The following ARMC7 variants were observed in gnomAD, a reference collection of about 807,000 sequenced individuals.
ARMC7 encodes armadillo repeat-containing protein 7.
ARMC7 carries 9 observed loss-of-function variants against 14.8 expected under a neutral mutation model. The observed-to-expected ratio is 0.61, with a 90% CI of 0.37 to 1.06. The LOEUF (loss-of-function observed/expected upper bound fraction) is 1.06, where lower values mean the gene tolerates loss of function less well. Ranked by LOEUF, ARMC7 falls within the 50% of genes least tolerant of loss-of-function variation. ARMC7 has a pLI of 0.01. For synonymous variants in ARMC7, 125 were observed against 123.4 expected (o/e 1.01, Z -0.09); for missense variants, 262 against 267.1 (o/e 0.98, Z 0.13).
chr17:75,114,106 T>G (rs1049916412), intron 2 of ARMC7: 1 of 401,164 alleles, frequency 2.5e-6, no homozygotes, highest in Non-Finnish European at 4.4e-6. Context: ...AAACAAATAT[T>G]CTAAAAAGTT....
At chr17:75,125,566 G>A (rs527335421) in intron 2 of ARMC7, among the ~76,000 whole-genome samples, 15 of 152,238 alleles carry the variant, frequency 9.9e-5, no homozygotes, top group African/African-American at 2.9e-4. Context: ...AGCTGGGCAC[G>A]GTGGCTCACA....
At position 75,119,449 on chromosome 17, in the gene ARMC7, T is replaced by TTTTG. The variant is rs1403378572; in HGVS notation, c.235+8846_235+8847insGTTT. ...TCTGAAAATACCCTGTGATACAGTT[T>TTTTG]TTTCTTTTTTTTTTTTTGAGACGGA... On this transcript the variant is annotated intron_variant, in intron 2 of 2. Transcript: ENST00000245543. 1.1e-3 allele frequency among the ~76,000 whole-genome samples: 146 copies of TTTTG among 132,974 alleles called. 3 individuals carry two copies. Among genetic ancestry groups the TTTTG allele is most frequent in the African/African-American group, 4.8e-3 (140 of 28,970 alleles). 87.2% of individuals were successfully genotyped at this position (132,974 alleles called of 152,430 possible). A position where few individuals can be genotyped will look rare whatever the true frequency, so the allele number is the denominator to read the frequency against.
intron 2 of ARMC7, among the ~76,000 whole-genome samples, chr17:75,115,314 T>A (rs1973185): frequency 0.56 from 85,299 of 151,494 alleles, 26,118 homozygotes; most frequent in South Asian, 0.74. Flanking sequence ...CCGAGGGGGG[T>A]GGATCACTTG....
intron 2 of ARMC7, among the ~76,000 whole-genome samples, chr17:75,122,191 T>C (rs2074018395): frequency 6.6e-6 from 1 of 151,398 alleles, no homozygotes; most frequent in East Asian, 2.0e-4. Context: ...AGGAAATTAG[T>C]CGGGCATGTT....
At chr17:75,114,961 G>A in intron 2 of ARMC7, 1 of 380,310 alleles carries the variant, frequency 2.6e-6, no homozygotes, top group South Asian at 1.5e-4. Context: ...TGTTTCTGGA[G>A]AAGGCTCTGT....
At chr17:75,123,668 T>C (rs2074030113) in intron 2 of ARMC7, among the ~76,000 whole-genome samples, 2 of 152,140 alleles carry the variant, frequency 1.3e-5, no homozygotes, top group South Asian at 4.1e-4. Context: ...ACGCCTTTCA[T>C]CCCAGTACTT....
intron 2 of ARMC7, among the ~76,000 whole-genome samples, chr17:75,113,394 G>A (rs1188659955): frequency 1.3e-5 from 2 of 149,394 alleles, no homozygotes; most frequent in African/African-American, 2.5e-5. Flanking sequence ...TTGCTCTGTC[G>A]CCCAGGCTGG....
chr17:75,123,102 G>A (rs937768103), intron 2 of ARMC7, among the ~76,000 whole-genome samples: 7 of 149,296 alleles, frequency 4.7e-5, no homozygotes, highest in African/African-American at 9.9e-5. Context: ...GCAGTGGCAC[G>A]ATCTCAGCTC....
chr17:75,120,355 G>A (rs1244918742), intron 2 of ARMC7, among the ~76,000 whole-genome samples: 1 of 152,096 alleles, frequency 6.6e-6, no homozygotes, highest in African/African-American at 2.4e-5. Context: ...GCTTTCATGT[G>A]GGGTTTCCTC....
intron 2 of ARMC7, among the ~76,000 whole-genome samples, chr17:75,113,681 A>T (rs918805236): frequency 6.6e-6 from 1 of 152,190 alleles, no homozygotes; most frequent in Non-Finnish European, 1.5e-5. Context: ...AGTGTGATTC[A>T]AATTTTTCAA....
intron 2 of ARMC7, among the ~76,000 whole-genome samples, chr17:75,119,612 C>G (rs1170250754): frequency 8.7e-6 from 1 of 115,386 alleles, no homozygotes; most frequent in Non-Finnish European, 1.8e-5. Context: ...CCACGCCCAG[C>G]TAATTTTTTT....
chr17:75,114,755 A>G (rs577241166), intron 2 of ARMC7: 28 of 397,718 alleles, frequency 7.0e-5, no homozygotes, highest in Non-Finnish European at 1.1e-4. Flanking sequence ...CAAGCACAGT[A>G]GCTTTCTCAG....
chr17:75,110,359 T>C lies in ARMC7; in HGVS notation c.71T>C (p.Phe24Ser). 1 of 1,614,058 alleles carries C rather than the reference T, an allele frequency of 6.2e-7. No homozygotes were observed. The highest frequency in any genetic ancestry group is 8.5e-7 in the Non-Finnish European group (1 of 1,180,026). The change falls in exon 1 of 3, where the codon TTC (phenylalanine) becomes TCC (serine). Residue 24 changes from phenylalanine (F) to serine (S), a missense_variant. Phe to Ser is a radical substitution (Grantham distance 155). Coordinates refer to ENST00000245543, the MANE Select transcript of ARMC7 (RefSeq NM_024585.4). ...TACCTGCAGGCGCTGGTCACGGAAT[T>C]CCAGGAGACCCAAAGCCAAGGTGAG... ...LGYLQALVTE[F>S]QETQSQDAKE... is the part of the protein sequence containing the mutation.
intron 2 of ARMC7, among the ~76,000 whole-genome samples, chr17:75,118,935 A>G (rs1352893806): frequency 6.6e-6 from 1 of 152,236 alleles, no homozygotes; most frequent in African/African-American, 2.4e-5. Flanking sequence ...TGGAGCCAGG[A>G]CTTCGCCCCT....
chr17:75,112,573 C>CTTTT (rs549730217), intron 2 of ARMC7, among the ~76,000 whole-genome samples: 86 of 100,442 alleles, frequency 8.6e-4, no homozygotes, highest in Non-Finnish European at 1.3e-3. Flanking sequence ...TTCTCTTTTT[C>CTTTT]TTTTTTTTTT....
In ARMC7 at chr17:75,110,189, C is replaced by T. The variant is rs947415506; in HGVS notation, c.-100C>T. Reference sequence around the variant, plus strand: ...CCCATTTGCCGACCCCCTCTTCCCTCTCCAGACAGGTGGAGAGCGGGTGAG... The same window carrying T: ...CCCATTTGCCGACCCCCTCTTCCCTTTCCAGACAGGTGGAGAGCGGGTGAG... On this transcript the variant is annotated 5_prime_UTR_variant, in exon 1 of 3. Coordinates refer to ENST00000245543, the MANE Select transcript of ARMC7 (RefSeq NM_024585.4). The T allele has an allele frequency of 3.3e-6, 4 of 1,204,732 alleles. No individual in the cohort carries two copies. The highest frequency in any genetic ancestry group is 4.5e-6 in the Non-Finnish European group (4 of 880,770). The allele number at this position is 1,204,732 out of a possible 1,614,324, so 74.6% of individuals were successfully genotyped here. A position where few individuals can be genotyped will look rare whatever the true frequency, so the allele number is the denominator to read the frequency against.
intron 2 of ARMC7, among the ~76,000 whole-genome samples, chr17:75,126,199 A>G (rs1246772483): frequency 6.6e-6 from 1 of 152,152 alleles, no homozygotes; most frequent in Non-Finnish European, 1.5e-5. Context: ...GAAGCTCAGG[A>G]TGCACAGGAA....
chr17:75,116,821 C>T (rs1423494110), intron 2 of ARMC7, among the ~76,000 whole-genome samples: 6 of 152,216 alleles, frequency 3.9e-5, no homozygotes, highest in Non-Finnish European at 8.8e-5. Context: ...TGCCCCTCGT[C>T]TGGCTGTCGC....
At chr17:75,110,754 T>A in intron 2 of ARMC7, 148 bp downstream of exon 2, 1 of 1,091,364 alleles carries the variant, frequency 9.2e-7, no homozygotes, top group South Asian at 1.5e-5. Flanking sequence ...CCTGAGGTCA[T>A]GAGTTCGAGA....
Sources: allele counts gnomAD v4.1 joint callset (sites outside exome capture counted in the v4.1 genomes callset), GRCh38; gene constraint gnomAD v4.1.1; transcripts MANE v1.5; gene names NCBI Gene and HGNC (gene_info 2026-07-23, HGNC 2026-07-21).